Variants in GABRB2 observed in about 807,000 individuals in gnomAD.
GABRB2 encodes gamma-aminobutyric acid type A receptor subunit beta2, also known as gamma-aminobutyric acid receptor subunit beta-2.
GABRB2 carries 16 observed loss-of-function variants against 54.7 expected under a neutral mutation model. The observed-to-expected ratio is 0.29, with a 90% CI of 0.20 to 0.44. The LOEUF (loss-of-function observed/expected upper bound fraction) is 0.44, where lower values mean the gene tolerates loss of function less well. GABRB2 is among the 20% of genes least tolerant of loss of function. GABRB2 has a pLI of 1.00. For missense variants in GABRB2, 355 were observed against 644.0 expected (o/e 0.55, Z 4.86); for synonymous variants, 244 against 233.8 (o/e 1.04, Z -0.40).
At chr5:161,463,639 C>T (rs111945380) in intron 3 of GABRB2, among the ~76,000 whole-genome samples, 1 of 119,382 alleles carries the variant, frequency 8.4e-6, no homozygotes, top group East Asian at 2.6e-4. Context: ...AGAGAAAAAA[C>T]AATGCTGGAA....
chr5:161,427,793 T>G (rs1050415977), intron 4 of GABRB2, among the ~76,000 whole-genome samples: 1 of 152,182 alleles, frequency 6.6e-6, no homozygotes, highest in African/African-American at 2.4e-5. Flanking sequence ...AACAAAATGG[T>G]TTAGGAGTAT....
At chr5:161,358,927 C>T (rs1002526148) in intron 5 of GABRB2, among the ~76,000 whole-genome samples, 9 of 152,184 alleles carry the variant, frequency 5.9e-5, no homozygotes, top group Non-Finnish European at 1.2e-4. Flanking sequence ...AAAGTGTGAG[C>T]AGTCACTGTC....
chr5:161,338,427 T>C (rs1251951268), intron 5 of GABRB2, among the ~76,000 whole-genome samples: 1 of 152,174 alleles, frequency 6.6e-6, no homozygotes, highest in Admixed American at 6.5e-5. Flanking sequence ...AATATTTTAT[T>C]AGTATGATCT....
In GABRB2 at chr5:161,384,295, G is replaced by A. The variant is rs185325643; in HGVS notation, c.541+26680C>T. ...AAGGAATTTATTCACAGAGATAAAC[G>A]TCTTGTATATATCTTATCTCTTTAA... On this transcript the variant is annotated intron_variant, in intron 5 of 9. Transcript: ENST00000393959. Among the ~76,000 whole-genome samples the A allele has an allele frequency of 2.6e-4, 40 of 152,202 alleles. 2 individuals are homozygous for A. The East Asian group carries it at 5.8e-3, about 22-fold the overall frequency.
intron 3 of GABRB2, among the ~76,000 whole-genome samples, chr5:161,514,929 T>C (rs905982935): frequency 2.0e-5 from 3 of 152,184 alleles, no homozygotes; most frequent in Admixed American, 2.0e-4. Context: ...GACTTTAAGA[T>C]GAGAAAATGT....
At chr5:161,398,177 C>T (rs150647961) in intron 5 of GABRB2, among the ~76,000 whole-genome samples, 2 of 152,092 alleles carry the variant, frequency 1.3e-5, no homozygotes, top group African/African-American at 2.4e-5. Flanking sequence ...TACATTCCAG[C>T]AGAGGGTCAT....
Position 161,288,889 on chromosome 5 carries a change from G to T in GABRB2, c.*5192C>A, listed in dbSNP as rs558745023. ...CTGTGAGGTTTAAATTAAACTATAG[G>T]CAACTTTGTTGGGATTAATTATGTT... On this transcript the variant is annotated 3_prime_UTR_variant, in exon 10 of 10. Transcript: ENST00000393959. 6.6e-6 allele frequency: 1 copy of T among 152,066 alleles called. No homozygotes were observed. Among genetic ancestry groups the T allele is most frequent in the Non-Finnish European group, 1.5e-5 (1 of 68,000 alleles). The allele number at this position is 152,066 out of a possible 1,614,324, so 9.4% of individuals were successfully genotyped here. A position where few individuals can be genotyped will look rare whatever the true frequency, so the allele number is the denominator to read the frequency against.
In GABRB2 at chr5:161,395,224, C is replaced by T. The variant is rs150126972; in HGVS notation, c.541+15751G>A. 1.9e-3 allele frequency among the ~76,000 whole-genome samples: 285 copies of T among 152,158 alleles called. 1 individual carries two copies. Among genetic ancestry groups the T allele is most frequent in the East Asian group, 8.1e-3 (42 of 5,164 alleles). On this transcript the variant is annotated intron_variant, in intron 5 of 9. Coordinates refer to ENST00000393959, the MANE Select transcript of GABRB2 (RefSeq NM_001371727.1). ...AGGGATGGATATACTTTATATTCTGCGAGTTTCTAGCCTTACAAAACACAA... is the reference window on the plus strand; with the variant it reads ...AGGGATGGATATACTTTATATTCTGTGAGTTTCTAGCCTTACAAAACACAA...
chr5:161,528,795 GA>G (rs1291135066), intron 3 of GABRB2, among the ~76,000 whole-genome samples: 10 of 151,576 alleles, frequency 6.6e-5, no homozygotes, highest in Non-Finnish European at 1.2e-4. Context: ...TGATAAAGCA[GA>G]AAAAAATAGA....
At chr5:161,366,128 T>C (rs923441514) in intron 5 of GABRB2, among the ~76,000 whole-genome samples, 2 of 151,320 alleles carry the variant, frequency 1.3e-5, no homozygotes, top group African/African-American at 4.9e-5. Context: ...GCCAATTCCA[T>C]AGAGATTCAA....
chr5:161,515,293 A>G lies in GABRB2; in HGVS notation c.237+29934T>C, dbSNP rs576438589. Among the ~76,000 whole-genome samples, 179 of 152,288 alleles carry G rather than the reference A, an allele frequency of 1.2e-3. 1 individual carries two copies. The highest frequency in any genetic ancestry group is 0.01 in the South Asian group (50 of 4,826). ...AATTAGAATTTTTTAAAAAAAATTCAAAAGTAAAAGGAACTGTTTTGTTTT... is the reference window on the plus strand; with the variant it reads ...AATTAGAATTTTTTAAAAAAAATTCGAAAGTAAAAGGAACTGTTTTGTTTT... On this transcript the variant is annotated intron_variant, in intron 3 of 9. Coordinates refer to ENST00000393959, the MANE Select transcript of GABRB2 (RefSeq NM_001371727.1).
At chr5:161,502,710 T>C (rs978064545) in intron 3 of GABRB2, among the ~76,000 whole-genome samples, 2 of 152,182 alleles carry the variant, frequency 1.3e-5, no homozygotes, top group African/African-American at 4.8e-5. Context: ...AAGGAAATTA[T>C]ACCTTCAACA....
At chr5:161,495,332 A>C (rs1018926789) in intron 3 of GABRB2, among the ~76,000 whole-genome samples, 1 of 151,990 alleles carries the variant, frequency 6.6e-6, no homozygotes, top group Non-Finnish European at 1.5e-5. Context: ...AATAATATAC[A>C]AAAAATCAAT....
chr5:161,414,036 CA>C (rs1756593308), intron 4 of GABRB2, among the ~76,000 whole-genome samples: 1 of 152,208 alleles, frequency 6.6e-6, no homozygotes, highest in Non-Finnish European at 1.5e-5. Flanking sequence ...GTTTTCCTCA[CA>C]AACACATTCC....
rs147070699 is a variant in GABRB2, at chr5:161,546,211, C to G, written c.169+111G>C. 8 of 790,624 alleles carry G rather than the reference C, an allele frequency of 1.0e-5. No homozygotes were observed. In the East Asian group the frequency reaches 2.1e-4, roughly 20 times the overall value. The allele number at this position is 790,624 out of a possible 1,614,324, so 49.0% of individuals were successfully genotyped here. On this transcript the variant is annotated intron_variant, in intron 2 of 9. Coordinates refer to ENST00000393959, the MANE Select transcript of GABRB2 (RefSeq NM_001371727.1). ...TTCTCAATATGGTAAAATAGAGACACATTCAGGACACCACATGCACCCACA... is the reference window on the plus strand; with the variant it reads ...TTCTCAATATGGTAAAATAGAGACAGATTCAGGACACCACATGCACCCACA...
Position 161,330,927 on chromosome 5 carries a change from C to G in GABRB2, c.1033G>C (p.Ala345Pro), listed in dbSNP as rs1421078320. 1 of 1,614,202 alleles carries G rather than the reference C, an allele frequency of 6.2e-7. No homozygotes were observed. Among genetic ancestry groups the G allele is most frequent in the African/African-American group, 1.3e-5 (1 of 75,058 alleles). Residue 345 changes from alanine (A) to proline (P), a missense_variant, in exon 8 of 10, where the codon GCT becomes CCT. Transcript: ENST00000393959. Reference sequence around the variant, plus strand: ...ATCTTCTCATTGTTGGCACTGGCAGCCTTCTCAGCTGCTTTCTTTTGGCGT... The same window carrying G: ...ATCTTCTCATTGTTGGCACTGGCAGGCTTCTCAGCTGCTTTCTTTTGGCGT... ...PQRQKKAAEK[A>P]ASANNEKMRL...
chr5:161,438,066 G>A (rs1041948284), intron 4 of GABRB2, among the ~76,000 whole-genome samples: 3 of 152,142 alleles, frequency 2.0e-5, no homozygotes, highest in Non-Finnish European at 4.4e-5. Flanking sequence ...CAGAAGCCAG[G>A]GAGTGGCTAC....
At chr5:161,518,253 A>G (rs1042638442) in intron 3 of GABRB2, among the ~76,000 whole-genome samples, 2 of 152,214 alleles carry the variant, frequency 1.3e-5, no homozygotes, top group Admixed American at 6.5e-5. Context: ...TCCTTTGAGA[A>G]TAGGGAAAAG....
intron 3 of GABRB2, among the ~76,000 whole-genome samples, chr5:161,540,619 A>G (rs938892635): frequency 6.6e-6 from 1 of 152,140 alleles, no homozygotes; most frequent in Admixed American, 6.5e-5. Context: ...ATCACTGCCT[A>G]TGGTAACTAT....
Sources: gnomAD v4.1 joint callset for allele counts (sites outside exome capture counted in the v4.1 genomes callset) on GRCh38, gnomAD v4.1.1 for gene constraint, MANE v1.5 for transcripts, NCBI Gene and HGNC (gene_info 2026-07-23, HGNC 2026-07-21) for gene names.